CLASP2: variants seen among roughly 807,000 people sequenced by gnomAD.
CLASP2 encodes cytoplasmic linker associated protein 2, also known as CLIP-associating protein 2.
Under a neutral mutation model 194.4 loss-of-function variants are expected in CLASP2, and 47 were observed. The observed-to-expected ratio is 0.24, with a 90% CI of 0.19 to 0.31. The LOEUF (loss-of-function observed/expected upper bound fraction) is 0.31, where lower values mean the gene tolerates loss of function less well. CLASP2 is among the 10% of genes least tolerant of loss of function. CLASP2 has a pLI of 1.00. For missense variants in CLASP2, 1,445 were observed against 1,823.6 expected, an observed-to-expected ratio of 0.79 and a Z score of 3.78; for synonymous variants, 619 against 633.5, an observed-to-expected ratio of 0.98 and a Z score of 0.34.
chr3:33,545,182 T>C (rs150099516), intron 30 of CLASP2: 41 of 160,162 alleles, frequency 2.6e-4, no homozygotes, highest in East Asian at 1.6e-3. Flanking sequence ...AGAAATAATA[T>C]CTAATCTTCT....
intron 16 of CLASP2, among the ~76,000 whole-genome samples, chr3:33,606,157 T>C (rs965783682): frequency 6.6e-6 from 1 of 151,906 alleles, no homozygotes; most frequent in East Asian, 1.9e-4. Flanking sequence ...CTAGATAATG[T>C]TGTCCCTTGA....
At chr3:33,700,281 G>C (rs1208345433) in intron 1 of CLASP2, among the ~76,000 whole-genome samples, 1 of 151,508 alleles carries the variant, frequency 6.6e-6, no homozygotes, top group African/African-American at 2.4e-5. Flanking sequence ...ACAAAAATTA[G>C]CTGGGTGTGG....
intron 25 of CLASP2, among the ~76,000 whole-genome samples, chr3:33,572,142 C>T (rs2063902984): frequency 6.6e-6 from 1 of 152,104 alleles, no homozygotes; most frequent in Non-Finnish European, 1.5e-5. Flanking sequence ...ACACATGAAT[C>T]CTATCCTTTT....
chr3:33,706,102 A>T (rs1191704444), intron 1 of CLASP2, among the ~76,000 whole-genome samples: 1 of 152,044 alleles, frequency 6.6e-6, no homozygotes, highest in East Asian at 1.9e-4. Context: ...GAAATAAAAA[A>T]TTAGGCATGG....
At chr3:33,631,901 A>G (rs1376260580) in intron 9 of CLASP2, among the ~76,000 whole-genome samples, 1 of 152,176 alleles carries the variant, frequency 6.6e-6, no homozygotes, top group East Asian at 1.9e-4. Flanking sequence ...GTTATGTACA[A>G]TATAACATTT....
chr3:33,607,877 G>T (rs954809921), intron 14 of CLASP2, among the ~76,000 whole-genome samples: 3 of 152,070 alleles, frequency 2.0e-5, no homozygotes, highest in African/African-American at 7.2e-5. Flanking sequence ...TGCCACAGAA[G>T]AACGCAAAGA....
chr3:33,553,001 C>T (rs1179396184), intron 29 of CLASP2, among the ~76,000 whole-genome samples: 1 of 152,122 alleles, frequency 6.6e-6, no homozygotes, highest in African/African-American at 2.4e-5. Flanking sequence ...AACACATATT[C>T]AATGTGAATT....
intron 6 of CLASP2, among the ~76,000 whole-genome samples, chr3:33,664,078 T>G (rs1410585563): frequency 6.6e-6 from 1 of 152,212 alleles, no homozygotes; most frequent in Non-Finnish European, 1.5e-5. Flanking sequence ...CTGCTATCAC[T>G]TTTCTTAGTT....
intron 6 of CLASP2, among the ~76,000 whole-genome samples, chr3:33,670,791 G>A (rs192054753): frequency 6.6e-6 from 1 of 152,162 alleles, no homozygotes; most frequent in Non-Finnish European, 1.5e-5. Flanking sequence ...TGGTGCAGAG[G>A]GAGATCACAC....
At chr3:33,551,591 T>A (rs1263292231) in intron 29 of CLASP2, among the ~76,000 whole-genome samples, 196 bp from the exon 30 acceptor site, 2 of 152,126 alleles carry the variant, frequency 1.3e-5, no homozygotes, top group African/African-American at 2.4e-5. Context: ...AGGGCTGGGA[T>A]TACAGGCATG....
rs537846651 is a variant in CLASP2, at chr3:33,667,406, C to CAAAAAAAAAAAAAAAA, written c.645-3907_645-3892dup. On this transcript the variant is annotated intron_variant, in intron 6 of 38. Coordinates refer to ENST00000682230, the MANE Select transcript of CLASP2 (RefSeq NM_001365631.1). ...CCTGGGTGACAGAGTGAGACTATCT[C>CAAAAAAAAAAAAAAAA]AAAAAAAAAAAAAAAAAAAAAAGAC... Among the ~76,000 whole-genome samples, 316 of 44,104 alleles carry CAAAAAAAAAAAAAAAA rather than the reference C, an allele frequency of 7.2e-3. 38 individuals are homozygous for CAAAAAAAAAAAAAAAA. Among genetic ancestry groups the CAAAAAAAAAAAAAAAA allele is most frequent in the African/African-American group, 0.017 (161 of 9,294 alleles). The allele number at this position is 44,104 out of a possible 152,430, so 28.9% of individuals were successfully genotyped here. A position where few individuals can be genotyped will look rare whatever the true frequency, so the allele number is the denominator to read the frequency against.
chr3:33,525,706 C>G (rs1379203700), intron 34 of CLASP2, among the ~76,000 whole-genome samples: 6 of 152,174 alleles, frequency 3.9e-5, no homozygotes, highest in African/African-American at 1.4e-4. Flanking sequence ...AACCCTGGAG[C>G]CTCAGATACT....
At chr3:33,533,722 T>TC (rs1440957756) in intron 34 of CLASP2, among the ~76,000 whole-genome samples, 7 of 152,118 alleles carry the variant, frequency 4.6e-5, no homozygotes, top group Admixed American at 2.0e-4. Context: ...TCTTTATTGC[T>TC]CTTTTTTTTT....
At chr3:33,512,423 G>A (rs1426938064) in intron 36 of CLASP2, among the ~76,000 whole-genome samples, 1 of 27,710 alleles carries the variant, frequency 3.6e-5, no homozygotes. Flanking sequence ...CGGGGGAGGG[G>A]GGAGGGATAG....
At chr3:33,516,925 G>A in intron 35 of CLASP2, 56 bp downstream of exon 35, 1 of 1,398,226 alleles carries the variant, frequency 7.2e-7, no homozygotes, top group Non-Finnish European at 1.0e-6. Flanking sequence ...TAGATTAACA[G>A]GCAATGTAAA....
At chr3:33,656,616 C>T (rs1052872819) in intron 7 of CLASP2, among the ~76,000 whole-genome samples, 2 of 152,128 alleles carry the variant, frequency 1.3e-5, no homozygotes, top group Non-Finnish European at 2.9e-5. Flanking sequence ...AGAAATTCCA[C>T]GTCCAGACTA....
Position 33,501,680 on chromosome 3 carries a change from G to T in CLASP2, c.4406C>A (p.Pro1469Gln), listed in dbSNP as rs775853317. The T allele has an allele frequency of 6.2e-7, 1 of 1,612,788 alleles. No homozygotes were observed. The highest frequency in any genetic ancestry group is 8.5e-7 in the Non-Finnish European group (1 of 1,178,910). ...ACTGCCAGTAAGTTGACTGAGATGT[G>T]GTTTTAGTTCATCACCAATTACCGC... ...VHAVIGDELK[P>Q]HLSQLTGSKM... Residue 1469 changes from proline (P) to glutamine (Q), a missense_variant, in exon 38 of 39, where the codon CCA (proline) becomes CAA (glutamine). Physicochemically the swap from Pro to Gln is moderately conservative, Grantham distance 76. Around this residue, in one of 4 missense-constraint regions of CLASP2, gnomAD observed 732 missense variants for 987.9 expected, o/e 0.74. Transcript: ENST00000682230.
chr3:33,578,166 C>G (rs1364121190), intron 23 of CLASP2, among the ~76,000 whole-genome samples: 1 of 152,084 alleles, frequency 6.6e-6, no homozygotes, highest in Non-Finnish European at 1.5e-5. Flanking sequence ...GTTGAAAAGT[C>G]AATACACCTC....
chr3:33,660,590 G>A (rs1341201290), intron 7 of CLASP2, among the ~76,000 whole-genome samples: 3 of 151,994 alleles, frequency 2.0e-5, no homozygotes, highest in African/African-American at 7.3e-5. Flanking sequence ...TCATTATTAT[G>A]GTTTCAGGCA....
Sources: gnomAD v4.1 joint callset for allele counts (sites outside exome capture counted in the v4.1 genomes callset) on GRCh38, gnomAD v4.1.1 for gene constraint, gnomAD v4.1.1 regional missense constraint, MANE v1.5 for transcripts, NCBI Gene and HGNC (gene_info 2026-07-23, HGNC 2026-07-21) for gene names.